The following SPG11 variants were observed in gnomAD, a reference collection of about 807,000 sequenced individuals.
The protein encoded by SPG11 is SPG11 vesicle trafficking associated, spatacsin.
Under a neutral mutation model 274.0 loss-of-function variants are expected in SPG11, and 222 were observed. The ratio of observed to expected loss-of-function variants is 0.81; its 90% CI spans 0.73 to 0.91. The LOEUF (loss-of-function observed/expected upper bound fraction) is 0.91. Ranked by LOEUF, SPG11 falls within the 40% of genes least tolerant of loss-of-function variation. SPG11 has a pLI of 0.00. For synonymous variants in SPG11, 1,144 were observed against 1,039.7 expected (o/e 1.10, Z -1.93); for missense variants, 3,114 against 2,872.7 (o/e 1.08, Z -1.92).
intron 11 of SPG11, among the ~76,000 whole-genome samples, chr15:44,625,453 A>C (rs1042899806): frequency 4.6e-5 from 7 of 152,024 alleles, no homozygotes; most frequent in Non-Finnish European, 7.4e-5. Flanking sequence ...ATAGGAAGTA[A>C]GTTCTCACGA....
chr15:44,585,110 T>A (rs533298989), intron 29 of SPG11, among the ~76,000 whole-genome samples: 125 of 152,216 alleles, frequency 8.2e-4, no homozygotes, highest in Non-Finnish European at 1.6e-3. Flanking sequence ...TTGTAGCATA[T>A]CCTACAAACT....
At chr15:44,641,922 GAAAAAAA>G (rs71111874) in intron 7 of SPG11, among the ~76,000 whole-genome samples, 23 of 55,918 alleles carry the variant, frequency 4.1e-4, no homozygotes, top group South Asian at 6.5e-4. Flanking sequence ...CTGCTTAACA[GAAAAAAA>G]AAAAAAAAAA....
intron 20 of SPG11, among the ~76,000 whole-genome samples, chr15:44,605,628 C>T (rs1312907225): frequency 6.6e-6 from 1 of 152,026 alleles, no homozygotes; most frequent in Non-Finnish European, 1.5e-5. Context: ...CTGTGATTAA[C>T]CTCATTTCAT....
At chr15:44,594,359 G>A (rs2082978533) in intron 26 of SPG11, among the ~76,000 whole-genome samples, 1 of 151,904 alleles carries the variant, frequency 6.6e-6, no homozygotes. Flanking sequence ...TCGGGAGGCG[G>A]AGGTTGCAGT....
chr15:44,567,771 C>G (rs1454139484), intron 35 of SPG11, among the ~76,000 whole-genome samples, 179 bp from the exon 36 acceptor site: 1 of 152,098 alleles, frequency 6.6e-6, no homozygotes, highest in Non-Finnish European at 1.5e-5. Context: ...TGTGTGCTTT[C>G]CTGTTGGAAG....
intron 4 of SPG11, among the ~76,000 whole-genome samples, chr15:44,656,477 A>C (rs2084943875): frequency 6.6e-6 from 1 of 152,186 alleles, no homozygotes; most frequent in Admixed American, 6.5e-5. Context: ...TGAAGACAGG[A>C]TGGGGTAAAG....
At position 44,562,801 on chromosome 15, in the gene SPG11, G is replaced by A. The variant is rs886051175; in HGVS notation, c.*320C>T. On this transcript the variant is annotated 3_prime_UTR_variant, in exon 40 of 40. Coordinates refer to ENST00000261866, the MANE Select transcript of SPG11 (RefSeq NM_025137.4). Reference sequence around the variant, plus strand: ...TAATAATTAAATTTCTTTGAAACTGGAATCTGCAGGTACAGGTATTCTTTA... The same window carrying A: ...TAATAATTAAATTTCTTTGAAACTGAAATCTGCAGGTACAGGTATTCTTTA... The A allele has an allele frequency of 4.0e-6, 1 of 251,454 alleles. No individual in the cohort carries two copies. The highest frequency in any genetic ancestry group is 7.8e-6 in the Non-Finnish European group (1 of 128,958). The allele number at this position is 251,454 out of a possible 1,614,324, so 15.6% of individuals were successfully genotyped here.
chr15:44,610,437 C>T (rs758401211), intron 18 of SPG11, among the ~76,000 whole-genome samples: 3 of 152,116 alleles, frequency 2.0e-5, no homozygotes, highest in Non-Finnish European at 2.9e-5. Context: ...GGCTGGAGTG[C>T]AGTGGTACAA....
At chr15:44,658,634 T>C (rs2085009592) in intron 3 of SPG11, among the ~76,000 whole-genome samples, 1 of 152,012 alleles carries the variant, frequency 6.6e-6, no homozygotes, top group African/African-American at 2.4e-5. Flanking sequence ...AATTTTTTTG[T>C]ATTTTTAGCA....
intron 18 of SPG11, among the ~76,000 whole-genome samples, chr15:44,609,153 C>A (rs1372744955): frequency 6.6e-6 from 1 of 151,600 alleles, no homozygotes. Flanking sequence ...TTTTTTGAGA[C>A]GGAGTCTCAC....
chr15:44,596,341 G>T lies in SPG11; in HGVS notation c.4176C>A (p.Ile1392=). The part of the protein sequence containing the change: ...NYHPAEVKSL[I]QYFSPVIQDH... The stretch of plus-strand genomic sequence containing the variant: ...CTTGAATGACTGGGCTGAAGTACTG[G>T]ATAAGGGATTTCACCTAGAAGGCAT... The change falls in exon 25 of 40, where the codon ATC becomes ATA. Residue 1392 remains isoleucine (I), a synonymous_variant. Transcript: ENST00000261866. 1 of 1,614,094 alleles carries T rather than the reference G, an allele frequency of 6.2e-7. No individual in the cohort carries two copies. Among genetic ancestry groups the T allele is most frequent in the Non-Finnish European group, 8.5e-7 (1 of 1,180,018 alleles).
chr15:44,649,088 T>A, intron 6 of SPG11, 77 bp from the exon 7 acceptor site: 1 of 1,079,792 alleles, frequency 9.3e-7, no homozygotes, highest in Non-Finnish European at 1.4e-6. Flanking sequence ...GATTTTTAAT[T>A]ACTCAATACT....
intron 4 of SPG11, among the ~76,000 whole-genome samples, chr15:44,653,288 C>T (rs1051582154): frequency 1.3e-5 from 2 of 152,102 alleles, no homozygotes; most frequent in Non-Finnish European, 2.9e-5. Flanking sequence ...TCTTTGAACA[C>T]TTACATTATT....
intron 1 of SPG11, among the ~76,000 whole-genome samples, chr15:44,661,916 A>T (rs988329642): frequency 1.3e-5 from 2 of 152,222 alleles, no homozygotes; most frequent in Admixed American, 1.3e-4. Context: ...TTAAAATTCA[A>T]TTCAACTAAA....
intron 17 of SPG11, 103 bp from the exon 18 acceptor site, chr15:44,611,088 C>T (rs1382594186): frequency 3.0e-5 from 2 of 65,744 alleles, no homozygotes; most frequent in East Asian, 3.6e-4. Context: ...ACTCTATCCC[C>T]AGTAAAAAAA....
intron 7 of SPG11, among the ~76,000 whole-genome samples, chr15:44,634,474 G>C (rs937697778): frequency 3.9e-4 from 59 of 151,110 alleles, no homozygotes; most frequent in Admixed American, 2.6e-3. Context: ...TTAATAGACG[G>C]GTTTCACTGC....
intron 17 of SPG11, among the ~76,000 whole-genome samples, chr15:44,611,738 G>A (rs931063016): frequency 6.6e-6 from 1 of 150,690 alleles, no homozygotes; most frequent in African/African-American, 2.4e-5. Context: ...CGGAAAATGA[G>A]AGAACAGAAA....
At chr15:44,634,521 C>A (rs1209723645) in intron 7 of SPG11, among the ~76,000 whole-genome samples, 1 of 150,986 alleles carries the variant, frequency 6.6e-6, no homozygotes, top group Non-Finnish European at 1.5e-5. Flanking sequence ...TGGCCTAGAA[C>A]AATGCACCCA....
chr15:44,627,652 C>A (rs577981690), intron 10 of SPG11, among the ~76,000 whole-genome samples: 2 of 151,354 alleles, frequency 1.3e-5, no homozygotes, highest in Non-Finnish European at 2.9e-5. Context: ...TGCAGTGGTG[C>A]GATCTCAGCT....
Sources: allele counts gnomAD v4.1 joint callset (sites outside exome capture counted in the v4.1 genomes callset), GRCh38; gene constraint gnomAD v4.1.1; transcripts MANE v1.5; gene names NCBI Gene and HGNC (gene_info 2026-07-23, HGNC 2026-07-21).